Variants in LMTK3 observed in about 807,000 individuals in gnomAD.
LMTK3 encodes serine/threonine-protein kinase LMTK3.
LMTK3 carries 27 observed loss-of-function variants against 116.7 expected under a neutral mutation model. The observed-to-expected ratio is 0.23, with a 90% CI of 0.17 to 0.32. The LOEUF (loss-of-function observed/expected upper bound fraction) is 0.32, where lower values mean the gene tolerates loss of function less well. LMTK3 is among the 10% of genes least tolerant of loss of function. The pLI is 1.00. For synonymous variants in LMTK3, 965 were observed against 971.0 expected, an observed-to-expected ratio of 0.99 and a Z score of 0.11; for missense variants, 1,764 against 2,068.5, an observed-to-expected ratio of 0.85 and a Z score of 2.86.
At chr19:48,505,888 C>CCGAA (rs1256305556) in intron 5 of LMTK3, among the ~76,000 whole-genome samples, 1 of 146,152 alleles carries the variant, frequency 6.8e-6, no homozygotes, top group East Asian at 2.0e-4. Context: ...AGTCTGTAAT[C>CCGAA]CGAATACTTT....
intron 11 of LMTK3, among the ~76,000 whole-genome samples, chr19:48,496,567 G>A (rs1452240524): frequency 6.6e-6 from 1 of 152,214 alleles, no homozygotes; most frequent in Admixed American, 6.5e-5. Flanking sequence ...CCAAAGTGCT[G>A]GGATTACAGG....
At position 48,492,159 on chromosome 19, in the gene LMTK3, G is replaced by A. The variant is rs78848576; in HGVS notation, c.4093-620C>T. Among the ~76,000 whole-genome samples, 673 of 152,038 alleles carry A rather than the reference G, an allele frequency of 4.4e-3. 4 individuals carry two copies. Among genetic ancestry groups the A allele is most frequent in the Non-Finnish European group, 7.3e-3 (496 of 67,978 alleles). ...AGGTCCCAGTTCCTCAGCACCACTCGCCCTCCCTTTTTCTCTTCAACACCA... is the reference window on the plus strand; with the variant it reads ...AGGTCCCAGTTCCTCAGCACCACTCACCCTCCCTTTTTCTCTTCAACACCA... On this transcript the variant is annotated intron_variant, in intron 12 of 14. Transcript: ENST00000600059.
At chr19:48,487,944 T>A (rs1006109077) in intron 14 of LMTK3, among the ~76,000 whole-genome samples, 13 of 152,128 alleles carry the variant, frequency 8.5e-5, no homozygotes, top group Non-Finnish European at 1.8e-4. Flanking sequence ...CAGAGCCACA[T>A]TGAGCAGGGC....
At position 48,491,654 on chromosome 19, in the gene LMTK3, T is replaced by A; in HGVS notation, c.4093-115A>T. 5.3e-6 allele frequency: 5 copies of A among 950,130 alleles called. No homozygotes were observed. The highest frequency in any genetic ancestry group is 7.0e-6 in the Non-Finnish European group (5 of 719,412). The allele number at this position is 950,130 out of a possible 1,614,324, so 58.9% of individuals were successfully genotyped here. ...TTTCTGGGGCTCTAGGAATCCCAATTTGTAATCACTGACTCGCACGCTCTG... is the reference window on the plus strand; with the variant it reads ...TTTCTGGGGCTCTAGGAATCCCAATATGTAATCACTGACTCGCACGCTCTG... On this transcript the variant is annotated intron_variant, in intron 12 of 14. Coordinates refer to ENST00000600059, the MANE Select transcript of LMTK3 (RefSeq NM_001388485.1). This position sits in a 1 kb window ranked among gnomAD's most constrained non-coding sequence, Gnocchi z 5.1.
In LMTK3 at chr19:48,493,828, C is replaced by A; in HGVS notation, c.3958G>T (p.Ala1320Ser). 6.7e-7 allele frequency: 1 copy of A among 1,487,034 alleles called. No individual in the cohort carries two copies. The highest frequency in any genetic ancestry group is 8.9e-7 in the Non-Finnish European group (1 of 1,119,192). The allele number at this position is 1,487,034 out of a possible 1,614,324, so 92.1% of individuals were successfully genotyped here. The stretch of plus-strand genomic sequence containing the variant: ...CCCCGCAGCGGGCGGGCCGCGTCCG[C>A]GTCGGCGCTGCTCACCACGACGGGC... ...PVPVVVSSAD[A>S]DAARPLRGLL... The change falls in exon 12 of 15, where the codon GCG (alanine) becomes TCG (serine). Residue 1320 changes from alanine (A) to serine (S), a missense_variant. Coordinates refer to ENST00000600059, the MANE Select transcript of LMTK3 (RefSeq NM_001388485.1).
At chr19:48,502,675 A>G in intron 6 of LMTK3, 94 bp from the exon 7 acceptor site, 1 of 1,364,310 alleles carries the variant, frequency 7.3e-7, no homozygotes, top group South Asian at 1.5e-5. Context: ...GTCACTGGGT[A>G]GCCCCTCTGA....
rs1223735552 is a variant in LMTK3, at chr19:48,497,454, G to A, written c.3615C>T (p.Pro1205=). 6.5e-7 allele frequency: 1 copy of A among 1,533,102 alleles called. No individual in the cohort carries two copies. Among genetic ancestry groups the A allele is most frequent in the South Asian group, 1.2e-5 (1 of 80,766 alleles). 95.0% of individuals were successfully genotyped at this position (1,533,102 alleles called of 1,614,324 possible). A position where few individuals can be genotyped will look rare whatever the true frequency, so the allele number is the denominator to read the frequency against. The stretch of plus-strand genomic sequence containing the variant: ...AGTCCAAGAATAGTCGTGGCATCTC[G>A]GGGCCCTTCCTCTCGGGCTTGGGGG... ...GDPPKPERKG[P]EMPRLFLDLG... Residue 1205 remains proline (P), a synonymous_variant, in exon 11 of 15, where the codon CCC becomes CCT. Transcript: ENST00000600059. This position sits in a 1 kb window ranked among gnomAD's most constrained non-coding sequence, Gnocchi z 5.7.
chr19:48,503,809 C>CA (rs1555901778), intron 5 of LMTK3, among the ~76,000 whole-genome samples: 1 of 151,204 alleles, frequency 6.6e-6, no homozygotes, highest in African/African-American at 2.4e-5. Flanking sequence ...CTCTCTCTCT[C>CA]TTTTTTTTCC....
At position 48,499,638 on chromosome 19, in the gene LMTK3, G is replaced by A. The variant is rs938126569; in HGVS notation, c.1431C>T (p.Leu477=). 7.1e-6 allele frequency: 11 copies of A among 1,542,320 alleles called. No individual in the cohort carries two copies. The highest frequency in any genetic ancestry group is 9.6e-6 in the Non-Finnish European group (11 of 1,143,504). ...GCCGGGCCTTCTCCCACAGGCACTCGAGGTTGAGGCCGCGGCTACTCTCGG... is the reference window on the plus strand; with the variant it reads ...GCCGGGCCTTCTCCCACAGGCACTCAAGGTTGAGGCCGCGGCTACTCTCGG... ...TVTESSRGLN[L]ECLWEKARRG... is the part of the protein sequence containing the mutation. The change falls in exon 11 of 15, where the codon CTC becomes CTT. Residue 477 remains leucine (L), a synonymous_variant. Transcript: ENST00000600059.
intron 12 of LMTK3, 42 bp downstream of exon 12, chr19:48,493,652 C>G (rs752423447): frequency 7.8e-6 from 12 of 1,532,800 alleles, no homozygotes; most frequent in Non-Finnish European, 9.7e-6. Flanking sequence ...CCTGCTCCCT[C>G]CAGGCCGCGA....
At chr19:48,510,256 C>T in intron 2 of LMTK3, 83 bp from the exon 3 acceptor site, 1 of 1,512,478 alleles carries the variant, frequency 6.6e-7, no homozygotes, top group Non-Finnish European at 9.0e-7. Context: ...TTTGTCTCCC[C>T]TTCATTTTTG....
Position 48,500,316 on chromosome 19 carries a change from T to C in LMTK3, c.1152-399A>G, listed in dbSNP as rs1972440108. Among the ~76,000 whole-genome samples the C allele has an allele frequency of 6.6e-6, 1 of 151,932 alleles. No individual in the cohort carries two copies. The highest frequency in any genetic ancestry group is 2.4e-5 in the African/African-American group (1 of 41,364). On this transcript the variant is annotated intron_variant, in intron 10 of 14. Transcript: ENST00000600059. The surrounding 1 kb of genome is among the most constrained non-coding windows in gnomAD (Gnocchi z 4.0). ...GCACCTGCCTGTAATCCCAGCTACC[T>C]GGGAGGCTGAGGCAGGAGAACCGCT...
In LMTK3 at chr19:48,508,882, G is replaced by A. The variant is rs1972611804; in HGVS notation, c.526C>T (p.Arg176Cys). 1 of 1,613,742 alleles carries A rather than the reference G, an allele frequency of 6.2e-7. No individual in the cohort carries two copies. Among genetic ancestry groups the A allele is most frequent in the East Asian group, 2.2e-5 (1 of 44,890 alleles). Residue 176 changes from arginine (R) to cysteine (C), a missense_variant, in exon 5 of 15, where the codon CGC (arginine) becomes TGC (cysteine). Physicochemically the swap from Arg to Cys is radical, Grantham distance 180. Coordinates refer to ENST00000600059, the MANE Select transcript of LMTK3 (RefSeq NM_001388485.1). ...GGCTGTGCTTCCGAGATGAACTTGCGTTGCTCCAGGGGCCCCGCGCTGGCT... is the reference window on the plus strand; with the variant it reads ...GGCTGTGCTTCCGAGATGAACTTGCATTGCTCCAGGGGCCCCGCGCTGGCT... ...LRASAGPLEQ[R>C]KFISEAQPYR...
rs1383655949 is a variant in LMTK3 at position 48,498,607 on chromosome 19, G to A, written c.2462C>T (p.Pro821Leu). The A allele has an allele frequency of 1.3e-6, 2 of 1,546,136 alleles. No homozygotes were observed. Among genetic ancestry groups the A allele is most frequent in the Non-Finnish European group, 1.7e-6 (2 of 1,145,378 alleles). Residue 821 changes from proline to leucine, a missense_variant, in exon 11 of 15, where the codon CCG (proline) becomes CTG (leucine). Transcript: ENST00000600059. The part of the protein sequence containing the change: ...GAAEEEGVPR[P>L]RAPPEPPDPG... ...GTCGGGTGGCTCGGGGGGAGCCCGC[G>A]GCCGAGGGACCCCTTCCTCCTCGGC...
intron 12 of LMTK3, among the ~76,000 whole-genome samples, chr19:48,492,327 T>A (rs1201201078): frequency 6.6e-6 from 1 of 152,196 alleles, no homozygotes; most frequent in African/African-American, 2.4e-5. Context: ...TAGCTGGGAC[T>A]ACAGATGCGC....
At chr19:48,488,996 C>A (rs2147528000) in intron 14 of LMTK3, among the ~76,000 whole-genome samples, 1 of 152,246 alleles carries the variant, frequency 6.6e-6, no homozygotes, top group Non-Finnish European at 1.5e-5. Flanking sequence ...GCCTTGGCCT[C>A]CCAAAGTGCT....
chr19:48,487,285 G>A (rs918819493), intron 14 of LMTK3, among the ~76,000 whole-genome samples: 1 of 151,560 alleles, frequency 6.6e-6, no homozygotes, highest in Non-Finnish European at 1.5e-5. Flanking sequence ...CACCTGCCTC[G>A]GCCTCCCAAA....
chr19:48,506,676 G>A (rs1023182771), intron 5 of LMTK3, among the ~76,000 whole-genome samples: 11 of 152,126 alleles, frequency 7.2e-5, no homozygotes, highest in Non-Finnish European at 1.6e-4. Flanking sequence ...ACAAAGTGTT[G>A]TTATTGTTGT....
intron 5 of LMTK3, among the ~76,000 whole-genome samples, chr19:48,505,201 T>C (rs371905954): frequency 5.2e-5 from 7 of 135,488 alleles, no homozygotes; most frequent in Admixed American, 1.6e-4. Flanking sequence ...GCAACCTCCA[T>C]CTCCCGGGCT....
Sources: allele counts gnomAD v4.1 joint callset (sites outside exome capture counted in the v4.1 genomes callset), GRCh38; gene constraint gnomAD v4.1.1; non-coding constraint Gnocchi (gnomAD v3.1); transcripts MANE v1.5; gene names NCBI Gene and HGNC (gene_info 2026-07-23, HGNC 2026-07-21).